Variants in TCF12 observed in about 807,000 individuals in gnomAD.
TCF12 encodes the protein DNA-binding protein HTF4.
In TCF12, 45 loss-of-function variants were observed where a neutral mutation model predicts 86.0. The ratio of observed to expected loss-of-function variants is 0.52; its 90% CI spans 0.41 to 0.67. TCF12 has a LOEUF of 0.67. Ranked by LOEUF, TCF12 falls within the 30% of genes least tolerant of loss-of-function variation. The probability of loss-of-function intolerance (pLI) is 0.00; values close to 1 mark genes in which losing one functional copy is unlikely to be tolerated. For synonymous variants in TCF12, 330 were observed against 299.6 expected (o/e 1.10, Z -1.05); for missense variants, 881 against 859.9 (o/e 1.02, Z -0.31).
At chr15:57,248,215 A>G in intron 13 of TCF12, 1 of 642,892 alleles carries the variant, frequency 1.6e-6, no homozygotes. Context: ...TGCTTGCAAG[A>G]GAAATGGTGC....
At chr15:57,170,671 ATATAATATATTATATATAATATATAT>A (rs2055292002) in intron 6 of TCF12, among the ~76,000 whole-genome samples, 1 of 11,318 alleles carries the variant, frequency 8.8e-5, no homozygotes, top group Non-Finnish European at 1.5e-4. Flanking sequence ...ATATATATAT[ATATAATATATTATATATAATATATAT>A]TATATATAAT....
At chr15:56,982,011 A>G (rs2062919309) in intron 3 of TCF12, among the ~76,000 whole-genome samples, 1 of 152,246 alleles carries the variant, frequency 6.6e-6, no homozygotes, top group East Asian at 1.9e-4. Context: ...TGGGGGAAAA[A>G]AACACATGTG....
chr15:57,142,526 AATAGTG>A (rs1218700523), intron 5 of TCF12, among the ~76,000 whole-genome samples: 4 of 128,832 alleles, frequency 3.1e-5, no homozygotes, highest in African/African-American at 1.1e-4. Flanking sequence ...CAACAAAATA[AATAGTG>A]ATAGTAATAG....
At chr15:57,083,715 G>C (rs1021874028) in intron 4 of TCF12, among the ~76,000 whole-genome samples, 4 of 152,070 alleles carry the variant, frequency 2.6e-5, no homozygotes, top group Non-Finnish European at 5.9e-5. Context: ...CTTCCAAGTA[G>C]CTGGGACTAT....
intron 3 of TCF12, among the ~76,000 whole-genome samples, chr15:57,050,367 T>C (rs17819809): frequency 0.04 from 6,137 of 152,296 alleles, 372 homozygotes; most frequent in Admixed American, 0.17. Context: ...TGAGGTGACA[T>C]GAGCATCCTT....
At chr15:57,143,270 G>A (rs1596789857) in intron 5 of TCF12, among the ~76,000 whole-genome samples, 1 of 152,018 alleles carries the variant, frequency 6.6e-6, no homozygotes, top group East Asian at 1.9e-4. Context: ...TCTGAAGATA[G>A]TAATGTATAA....
chr15:57,275,327 G>GGGGGGGGGGGTGTGTGTGT (rs2061328433), intron 19 of TCF12, among the ~76,000 whole-genome samples: 1 of 64,060 alleles, frequency 1.6e-5, no homozygotes, highest in African/African-American at 7.2e-5. Flanking sequence ...GTAAGGTAGG[G>GGGGGGGGGGGTGTGTGTGT]GTGTGTGTGT....
intron 11 of TCF12, among the ~76,000 whole-genome samples, chr15:57,233,090 A>G: frequency 6.7e-6 from 1 of 149,142 alleles, no homozygotes; most frequent in African/African-American, 2.5e-5. Flanking sequence ...TTATATATGT[A>G]TATATAGGTA....
chr15:56,923,237 T>G (rs1219908208), intron 3 of TCF12, among the ~76,000 whole-genome samples: 1 of 152,094 alleles, frequency 6.6e-6, no homozygotes, highest in Non-Finnish European at 1.5e-5. Flanking sequence ...TGAGAAACGA[T>G]ATATAATACT....
intron 3 of TCF12, among the ~76,000 whole-genome samples, chr15:57,005,656 C>T (rs1202125813): frequency 6.6e-6 from 1 of 152,174 alleles, no homozygotes; most frequent in Non-Finnish European, 1.5e-5. Flanking sequence ...TAAGCCTTGG[C>T]TTCCTGGGCT....
At position 57,103,472 on chromosome 15, in the gene TCF12, T is replaced by G. The variant is rs2049901994; in HGVS notation, c.325+11581T>G. On this transcript the variant is annotated intron_variant, in intron 5 of 20. Transcript: ENST00000333725. ...GCACCTGCTGTAGTCCCAGCTACTT[T>G]CCACATGTACATTTGGAAAAGTTAA... Among the ~76,000 whole-genome samples the G allele has an allele frequency of 3.9e-5, 6 of 152,202 alleles. 1 individual carries two copies. Among genetic ancestry groups the G allele is most frequent in the Admixed American group, 3.9e-4 (6 of 15,284 alleles).
intron 5 of TCF12, among the ~76,000 whole-genome samples, chr15:57,116,168 T>C (rs1285484421): frequency 6.6e-6 from 1 of 152,152 alleles, no homozygotes; most frequent in African/African-American, 2.4e-5. Flanking sequence ...TAGGGAAGTA[T>C]TGGTATCCTT....
intron 3 of TCF12, among the ~76,000 whole-genome samples, chr15:56,947,835 C>T (rs1378569147): frequency 6.6e-6 from 1 of 152,138 alleles, no homozygotes; most frequent in East Asian, 1.9e-4. Flanking sequence ...TCAGGTATTA[C>T]AATGCAATGT....
intron 3 of TCF12, among the ~76,000 whole-genome samples, chr15:57,045,824 A>T (rs561365786): frequency 6.6e-5 from 10 of 151,564 alleles, no homozygotes; most frequent in Non-Finnish European, 1.3e-4. Flanking sequence ...GGGATTACAG[A>T]CCTGAGCCAC....
intron 3 of TCF12, among the ~76,000 whole-genome samples, chr15:56,983,595 T>C (rs1322764582): frequency 6.6e-6 from 1 of 152,150 alleles, no homozygotes; most frequent in Non-Finnish European, 1.5e-5. Flanking sequence ...TAATCAAATA[T>C]ATCAGCAATT....
intron 13 of TCF12, among the ~76,000 whole-genome samples, chr15:57,245,944 C>T (rs2059837922): frequency 6.6e-6 from 1 of 151,958 alleles, no homozygotes; most frequent in South Asian, 2.1e-4. Context: ...CACACCCTTA[C>T]CCACCCATAG....
chr15:57,178,553 G>A (rs1326596236), intron 6 of TCF12, among the ~76,000 whole-genome samples: 1 of 152,112 alleles, frequency 6.6e-6, no homozygotes, highest in Non-Finnish European at 1.5e-5. Context: ...CCATTTCCAC[G>A]AATACCAAAG....
At position 57,253,404 on chromosome 15, in the gene TCF12, T is replaced by G. The variant is rs147539125; in HGVS notation, c.1403T>G (p.Ile468Ser). 6.2e-7 allele frequency: 1 copy of G among 1,614,116 alleles called. No homozygotes were observed. The highest frequency in any genetic ancestry group is 8.5e-7 in the Non-Finnish European group (1 of 1,179,988). ...TTGGGACCATCCCATAATGCACCAATTGGAAGCCTCAATTCAAACTATGGA... is the reference window on the plus strand; with the variant it reads ...TTGGGACCATCCCATAATGCACCAAGTGGAAGCCTCAATTCAAACTATGGA... ...SLLGPSHNAP[I>S]GSLNSNYGGS... The change falls in exon 16 of 21, where the codon ATT (isoleucine) becomes AGT (serine). Residue 468 changes from isoleucine (I) to serine (S), a missense_variant. This residue lies in a region of TCF12 where 766 missense variants were observed against 718.9 expected (regional missense o/e 1.07). Coordinates refer to ENST00000333725, the MANE Select transcript of TCF12 (RefSeq NM_207037.2).
intron 16 of TCF12, among the ~76,000 whole-genome samples, chr15:57,257,718 T>TCAGCTCC (rs1302780799): frequency 1.3e-5 from 2 of 148,856 alleles, no homozygotes; most frequent in Non-Finnish European, 3.0e-5. Context: ...TACAGACAGG[T>TCAGCTCC]CAGCTCCCAG....
Sources: allele counts gnomAD v4.1 joint callset (sites outside exome capture counted in the v4.1 genomes callset), GRCh38; gene constraint gnomAD v4.1.1; regional missense constraint gnomAD v4.1.1; transcripts MANE v1.5; gene names NCBI Gene and HGNC (gene_info 2026-07-23, HGNC 2026-07-21).